Variants in ZC3H18 observed in about 807,000 individuals in gnomAD.
ZC3H18 encodes the protein zinc finger CCCH domain-containing protein 18.
Under a neutral mutation model 106.1 loss-of-function variants are expected in ZC3H18, and 8 were observed. That is an observed-to-expected ratio of 0.08 (90% confidence interval 0.04 to 0.14). The LOEUF (loss-of-function observed/expected upper bound fraction) is 0.14. ZC3H18 is among the 10% of genes least tolerant of loss of function. The pLI, the probability that ZC3H18 is intolerant of heterozygous loss-of-function variation, is 1.00. For synonymous variants in ZC3H18, 635 were observed against 522.1 expected, an observed-to-expected ratio of 1.22 and a Z score of -2.95; for missense variants, 1,318 against 1,278.4, an observed-to-expected ratio of 1.03 and a Z score of -0.47.
chr16:88,599,999 G>C (rs545844930), intron 6 of ZC3H18, 51 bp downstream of exon 6: 2 of 1,599,322 alleles, frequency 1.3e-6, no homozygotes, highest in African/African-American at 2.7e-5. Context: ...ATGCGGCCAC[G>C]CTCCGGAGAG....
chr16:88,574,990 C>T (rs375162084), intron 1 of ZC3H18, among the ~76,000 whole-genome samples: 4 of 151,456 alleles, frequency 2.6e-5, no homozygotes, highest in Non-Finnish European at 4.4e-5. Context: ...CCACCACACC[C>T]GACTAATTTT....
At chr16:88,628,158 T>A in intron 15 of ZC3H18, 39 bp downstream of exon 15, 1 of 1,600,800 alleles carries the variant, frequency 6.2e-7, no homozygotes, top group Non-Finnish European at 8.5e-7. Context: ...CCCCAGCGTC[T>A]AGGCCTGGGT....
intron 3 of ZC3H18, 145 bp downstream of exon 3, chr16:88,586,829 G>GGTA: frequency 1.5e-6 from 1 of 645,636 alleles, no homozygotes. Flanking sequence ...TGGTGGTGGT[G>GGTA]GTGGTGGTGG....
In ZC3H18 at chr16:88,577,336, C is replaced by T; in HGVS notation, c.213C>T (p.Asp71=). The T allele has an allele frequency of 2.5e-6, 4 of 1,606,492 alleles. No homozygotes were observed. The highest frequency in any genetic ancestry group is 3.4e-6 in the Non-Finnish European group (4 of 1,175,580). Residue 71 remains aspartate, a synonymous_variant, in exon 2 of 18, where the codon GAC becomes GAT. Coordinates refer to ENST00000301011, the MANE Select transcript of ZC3H18 (RefSeq NM_144604.4). ...AAGATAATCACTCCGACGAGGAGGA[C>T]CGGGCAAGTGAGCCTAAATCCCAAG... ...EEEDNHSDEE[D]RASEPKSQDQ...
chr16:88,613,267 C>G (rs111769906), intron 8 of ZC3H18, among the ~76,000 whole-genome samples: 6 of 152,306 alleles, frequency 3.9e-5, no homozygotes, highest in South Asian at 2.1e-4. Context: ...TGTTGATGGA[C>G]GTTGGGTTGT....
chr16:88,601,910 G>A (rs569633744), intron 6 of ZC3H18, among the ~76,000 whole-genome samples: 2 of 152,268 alleles, frequency 1.3e-5, no homozygotes, highest in Non-Finnish European at 2.9e-5. Flanking sequence ...GGAAAGAACT[G>A]TCAGGGTTCT....
intron 10 of ZC3H18, chr16:88,623,570 T>G: frequency 3.2e-6 from 2 of 633,102 alleles, no homozygotes; most frequent in African/African-American, 1.8e-5. Flanking sequence ...GGCCACAGCC[T>G]GAGATCCTCG....
intron 6 of ZC3H18, 97 bp from the exon 7 acceptor site, chr16:88,608,837 G>A (rs938703680): frequency 3.2e-5 from 33 of 1,031,794 alleles, no homozygotes; most frequent in Non-Finnish European, 4.1e-5. Context: ...ACCCCACTGC[G>A]TCACGGTCTG....
rs1433847402 is a variant in ZC3H18, at chr16:88,577,292, G to A, written c.169G>A (p.Gly57Arg). The A allele has an allele frequency of 1.2e-6, 2 of 1,613,070 alleles. No homozygotes were observed. The highest frequency in any genetic ancestry group is 3.3e-5 in the Admixed American group (2 of 59,800). The change falls in exon 2 of 18, where the codon GGG (glycine) becomes AGG (arginine). Residue 57 changes from glycine to arginine, a missense_variant. Around this residue, in one of 6 missense-constraint regions of ZC3H18, gnomAD observed 346 missense variants for 269.0 expected, o/e 1.29. Transcript: ENST00000301011. Reference sequence around the variant, plus strand: ...GGAGGATGAGGAAAGTGCAGCCAGGGGGCCGAGCCAGGAGGAGGAAGATAA... The same window carrying A: ...GGAGGATGAGGAAAGTGCAGCCAGGAGGCCGAGCCAGGAGGAGGAAGATAA... ...DLEDEESAAR[G>R]PSQEEEDNHS...
At chr16:88,625,540 A>C in intron 13 of ZC3H18, 1 of 479,008 alleles carries the variant, frequency 2.1e-6, no homozygotes, top group Non-Finnish European at 3.8e-6. Context: ...TGCCCTGCTG[A>C]CTTGATGCCC....
chr16:88,588,759 A>G (rs896967541), intron 3 of ZC3H18, among the ~76,000 whole-genome samples: 12 of 152,136 alleles, frequency 7.9e-5, no homozygotes, highest in Non-Finnish European at 4.4e-5. Context: ...ACGCATGTGT[A>G]GTCCCAGCTA....
chr16:88,618,290 C>G (rs766532649), intron 8 of ZC3H18, among the ~76,000 whole-genome samples: 2 of 152,004 alleles, frequency 1.3e-5, no homozygotes, highest in Admixed American at 1.3e-4. Context: ...GCATGTGGCC[C>G]GTAGCTAAAT....
chr16:88,599,230 C>T (rs1904617581), intron 5 of ZC3H18, among the ~76,000 whole-genome samples: 1 of 152,228 alleles, frequency 6.6e-6, no homozygotes, highest in African/African-American at 2.4e-5. Flanking sequence ...ATCTGCACCC[C>T]ACACTCCTGA....
intron 2 of ZC3H18, among the ~76,000 whole-genome samples, chr16:88,581,865 C>G (rs1426372818): frequency 2.6e-5 from 4 of 152,208 alleles, no homozygotes; most frequent in African/African-American, 7.2e-5. Flanking sequence ...TCTGATTTGC[C>G]GTTACAGTTG....
At chr16:88,595,092 A>G in intron 3 of ZC3H18, among the ~76,000 whole-genome samples, 1 of 152,236 alleles carries the variant, frequency 6.6e-6, no homozygotes, top group Non-Finnish European at 1.5e-5. Context: ...CGGAGGTTGC[A>G]GTGAGCTGAG....
chr16:88,592,006 G>C (rs1319017230), intron 3 of ZC3H18, among the ~76,000 whole-genome samples: 1 of 152,218 alleles, frequency 6.6e-6, no homozygotes, highest in Admixed American at 6.5e-5. Context: ...TGATGACCTG[G>C]TGGTTGTGTG....
intron 2 of ZC3H18, among the ~76,000 whole-genome samples, chr16:88,585,058 A>G (rs1186577082): frequency 6.6e-6 from 1 of 152,262 alleles, no homozygotes; most frequent in African/African-American, 2.4e-5. Context: ...TAAGAATAGT[A>G]GTAAAAAGAA....
chr16:88,602,513 G>C (rs1482142792), intron 6 of ZC3H18, among the ~76,000 whole-genome samples: 1 of 152,250 alleles, frequency 6.6e-6, no homozygotes, highest in Admixed American at 6.5e-5. Context: ...ACCCCAGGAA[G>C]ACTGAGTCTG....
chr16:88,618,707 G>A (rs569168399), intron 8 of ZC3H18, among the ~76,000 whole-genome samples: 44 of 152,334 alleles, frequency 2.9e-4, no homozygotes, highest in Middle Eastern at 6.8e-3. Flanking sequence ...GCCTTCAACG[G>A]GGAATGGGGG....
Sources: gnomAD v4.1 joint callset for allele counts (sites outside exome capture counted in the v4.1 genomes callset) on GRCh38, gnomAD v4.1.1 for gene constraint, gnomAD v4.1.1 regional missense constraint, MANE v1.5 for transcripts, NCBI Gene and HGNC (gene_info 2026-07-23, HGNC 2026-07-21) for gene names.